Variants in SLC39A11 observed in about 807,000 individuals in gnomAD.
SLC39A11 encodes the protein zinc transporter ZIP11.
SLC39A11 carries 33 observed loss-of-function variants against 36.1 expected under a neutral mutation model. That is an observed-to-expected ratio of 0.91 (90% CI 0.69 to 1.22). The LOEUF (loss-of-function observed/expected upper bound fraction) is 1.22. Among genes scored for constraint, SLC39A11 ranks in the 50% most tolerant of loss-of-function variants. SLC39A11 has a pLI of 0.00. For synonymous variants in SLC39A11, 166 were observed against 170.3 expected, an observed-to-expected ratio of 0.97 and a Z score of 0.20; for missense variants, 432 against 430.3, an observed-to-expected ratio of 1.00 and a Z score of -0.03.
At chr17:72,697,500 G>A (rs1036075342) in intron 7 of SLC39A11, among the ~76,000 whole-genome samples, 1 of 152,140 alleles carries the variant, frequency 6.6e-6, no homozygotes, top group Non-Finnish European at 1.5e-5. Context: ...GAGAGGCTCT[G>A]TCTCACCCAA....
At chr17:72,905,683 G>A (rs2082620777) in intron 5 of SLC39A11, among the ~76,000 whole-genome samples, 2 of 151,242 alleles carry the variant, frequency 1.3e-5, no homozygotes, top group South Asian at 2.1e-4. Context: ...CCTTAACCTC[G>A]TGGGCTCTAC....
At chr17:72,698,749 G>T (rs115228267) in intron 7 of SLC39A11, among the ~76,000 whole-genome samples, 1 of 152,118 alleles carries the variant, frequency 6.6e-6, no homozygotes, top group Non-Finnish European at 1.5e-5. Context: ...TTATCCCCAC[G>T]GTACAAACAT....
At chr17:72,648,760 T>A (rs759750521) in intron 9 of SLC39A11, 43 bp downstream of exon 9, 8 of 1,608,096 alleles carry the variant, frequency 5.0e-6, no homozygotes, top group Non-Finnish European at 6.0e-6. Context: ...GGGTCCCAGC[T>A]GGGACTGGGA....
intron 5 of SLC39A11, among the ~76,000 whole-genome samples, chr17:72,928,912 C>T (rs993820646): frequency 2.0e-5 from 3 of 152,220 alleles, no homozygotes; most frequent in Middle Eastern, 3.2e-3. Flanking sequence ...AGGCACTGCA[C>T]TGGGCCAGCC....
intron 4 of SLC39A11, among the ~76,000 whole-genome samples, chr17:72,956,507 T>G (rs2147862657): frequency 1.3e-5 from 2 of 152,348 alleles, no homozygotes; most frequent in African/African-American, 4.8e-5. Flanking sequence ...TTATGCTTTT[T>G]CTTTTCGCTC....
At chr17:72,853,977 T>C (rs2079505298) in intron 5 of SLC39A11, among the ~76,000 whole-genome samples, 1 of 152,062 alleles carries the variant, frequency 6.6e-6, no homozygotes, top group Non-Finnish European at 1.5e-5. Context: ...TTGGGCACTT[T>C]TGAAGTGGAG....
intron 5 of SLC39A11, among the ~76,000 whole-genome samples, chr17:72,926,784 C>T (rs780785255): frequency 4.6e-5 from 7 of 152,122 alleles, no homozygotes; most frequent in East Asian, 1.9e-4. Flanking sequence ...AAGGGATTCC[C>T]GAGCACCTCA....
At chr17:73,049,182 C>G (rs2059415760) in intron 3 of SLC39A11, among the ~76,000 whole-genome samples, 1 of 152,198 alleles carries the variant, frequency 6.6e-6, no homozygotes, top group Non-Finnish European at 1.5e-5. Context: ...TCAAGCAGGG[C>G]AGGATCTGGC....
chr17:72,802,892 C>T (rs1000679461), intron 6 of SLC39A11, among the ~76,000 whole-genome samples: 3 of 152,298 alleles, frequency 2.0e-5, no homozygotes, highest in East Asian at 3.9e-4. Flanking sequence ...CCATCGCACA[C>T]GACTGGGAGC....
chr17:72,752,896 C>T (rs1245803278), intron 6 of SLC39A11, among the ~76,000 whole-genome samples: 1 of 152,156 alleles, frequency 6.6e-6, no homozygotes, highest in Non-Finnish European at 1.5e-5. Flanking sequence ...CACTCTGTGG[C>T]CCGGGCTGGA....
Position 72,789,811 on chromosome 17 carries a change from G to A in SLC39A11, c.602-53092C>T, listed in dbSNP as rs183511033. 4.6e-5 allele frequency among the ~76,000 whole-genome samples: 7 copies of A among 152,370 alleles called. No homozygotes were observed. The East Asian group carries it at 7.7e-4, about 17-fold the overall frequency. On this transcript the variant is annotated intron_variant, in intron 6 of 9. Transcript: ENST00000255559. Reference sequence around the variant, plus strand: ...GAGTCAGGCCTTACTGAAGATAGGAGAAAGATCTGTGGGTACGTATGGGTG... The same window carrying A: ...GAGTCAGGCCTTACTGAAGATAGGAAAAAGATCTGTGGGTACGTATGGGTG...
intron 4 of SLC39A11, among the ~76,000 whole-genome samples, chr17:73,026,168 GAGGAGAGGAGA>G: frequency 7.3e-6 from 1 of 137,486 alleles, no homozygotes; most frequent in South Asian, 2.3e-4. Flanking sequence ...GGAGAGAAGA[GAGGAGAGGAGA>G]AAGAGAAGAG....
chr17:72,678,684 G>A (rs60763683), intron 7 of SLC39A11, among the ~76,000 whole-genome samples: 33,330 of 151,266 alleles, frequency 0.22, 3,779 homozygotes, highest in South Asian at 0.31. Context: ...CAGCCTGGAC[G>A]AGAAAAAAAA....
intron 6 of SLC39A11, among the ~76,000 whole-genome samples, chr17:72,830,543 A>T (rs1358493413): frequency 6.6e-6 from 1 of 152,176 alleles, no homozygotes; most frequent in Non-Finnish European, 1.5e-5. Context: ...AAAACAAGGG[A>T]ATTTGTGGCT....
chr17:72,752,335 C>T (rs566700927), intron 6 of SLC39A11, among the ~76,000 whole-genome samples: 3 of 152,252 alleles, frequency 2.0e-5, no homozygotes, highest in African/African-American at 7.2e-5. Flanking sequence ...GCCTCCGCCT[C>T]CCGGGTTCCA....
chr17:72,862,010 T>C (rs76633301), intron 5 of SLC39A11, among the ~76,000 whole-genome samples: 13,611 of 151,836 alleles, frequency 0.09, 815 homozygotes, highest in Non-Finnish European at 0.13. Flanking sequence ...AACTGGTTCC[T>C]GAAAAAAACA....
Position 72,837,796 on chromosome 17 carries a change from T to A in SLC39A11, c.601+11838A>T, listed in dbSNP as rs2078632371. On this transcript the variant is annotated intron_variant, in intron 6 of 9. Transcript: ENST00000255559. ...GTGAAAGAAACCAGACACAAAAACA[T>A]ACATATTACATGATACCGTTTAAAT... 1.3e-5 allele frequency: 6 copies of A among 464,588 alleles called. 1 individual carries two copies. In the South Asian group the frequency reaches 6.9e-4, roughly 54 times the overall value. 28.8% of individuals were successfully genotyped at this position (464,588 alleles called of 1,614,324 possible).
intron 6 of SLC39A11, among the ~76,000 whole-genome samples, chr17:72,758,472 T>C (rs539781247): frequency 2.0e-4 from 30 of 152,272 alleles, no homozygotes; most frequent in African/African-American, 7.2e-4. Context: ...AGTTTCCCCA[T>C]CTTTCTTGTG....
chr17:72,972,221 C>T (rs1400618825), intron 4 of SLC39A11, among the ~76,000 whole-genome samples: 2 of 152,162 alleles, frequency 1.3e-5, no homozygotes, highest in African/African-American at 2.4e-5. Context: ...TTTCTCCCTT[C>T]CCCATGGGTG....
Sources: gnomAD v4.1 joint callset for allele counts (sites outside exome capture counted in the v4.1 genomes callset) on GRCh38, gnomAD v4.1.1 for gene constraint, MANE v1.5 for transcripts, NCBI Gene and HGNC (gene_info 2026-07-23, HGNC 2026-07-21) for gene names.